Variants in SREBF2 observed in about 807,000 individuals in gnomAD.
SREBF2 encodes the protein sterol regulatory element binding transcription factor 2.
SREBF2 carries 55 observed loss-of-function variants against 113.1 expected under a neutral mutation model. That is an observed-to-expected ratio of 0.49 (90% CI 0.39 to 0.61). The LOEUF (loss-of-function observed/expected upper bound fraction) is 0.61, where lower values mean the gene tolerates loss of function less well. Among genes scored for constraint, SREBF2 ranks in the 20% least tolerant of loss-of-function variants. The pLI, the probability that SREBF2 is intolerant of heterozygous loss-of-function variation, is 0.00. For missense variants in SREBF2, 1,349 were observed against 1,487.4 expected, an observed-to-expected ratio of 0.91 and a Z score of 1.53; for synonymous variants, 593 against 605.7, an observed-to-expected ratio of 0.98 and a Z score of 0.31.
intron 4 of SREBF2, 131 bp from the exon 5 acceptor site, chr22:41,873,667 G>T: frequency 2.2e-6 from 2 of 902,206 alleles, no homozygotes; most frequent in Non-Finnish European, 3.6e-6. Context: ...ATTAACCCAG[G>T]AAGAGTCTCA....
At chr22:41,879,409 G>A (rs1011361437) in intron 9 of SREBF2, among the ~76,000 whole-genome samples, 6 of 152,214 alleles carry the variant, frequency 3.9e-5, no homozygotes, top group African/African-American at 1.4e-4. Context: ...TGGGGACTGA[G>A]CAGGGGCGGG....
intron 7 of SREBF2, among the ~76,000 whole-genome samples, chr22:41,876,379 TTTTACTAA>T (rs1306218286): frequency 6.6e-6 from 1 of 152,236 alleles, no homozygotes; most frequent in Non-Finnish European, 1.5e-5. Context: ...ATATACTTAA[TTTTACTAA>T]GGAAGCTCCA....
chr22:41,879,799 C>T (rs373142501), intron 9 of SREBF2, among the ~76,000 whole-genome samples: 6 of 152,162 alleles, frequency 3.9e-5, no homozygotes, highest in Admixed American at 1.3e-4. Flanking sequence ...AGAGAGAAAG[C>T]GAGCGGTCTC....
In SREBF2 at chr22:41,892,997, G is replaced by A. The variant is rs1049790213; in HGVS notation, c.2209-120G>A. The A allele has an allele frequency of 6.2e-5, 77 of 1,237,154 alleles. No individual in the cohort carries two copies. In the Admixed American group the frequency reaches 1.3e-3, roughly 20 times the overall value. 76.6% of individuals were successfully genotyped at this position (1,237,154 alleles called of 1,614,324 possible). Reference sequence around the variant, plus strand: ...GTACCTGTGGGAGTCCTATCCCTGTGCTGATCTTTCCCAGTCTCCCCCAAA... The same window carrying A: ...GTACCTGTGGGAGTCCTATCCCTGTACTGATCTTTCCCAGTCTCCCCCAAA... On this transcript the variant is annotated intron_variant, in intron 11 of 18. Transcript: ENST00000361204.
Position 41,877,291 on chromosome 22 carries a change from T to C in SREBF2, c.1449T>C (p.Leu483=). 1 of 1,614,216 alleles carries C rather than the reference T, an allele frequency of 6.2e-7. No individual in the cohort carries two copies. Among genetic ancestry groups the C allele is most frequent in the Non-Finnish European group, 8.5e-7 (1 of 1,180,040 alleles). ...GCATGGTAGACCGCTCACGGATTCTTCTGTGTGTCCTCACCTTCCTGTGCC... is the reference window on the plus strand; with the variant it reads ...GCATGGTAGACCGCTCACGGATTCTCCTGTGTGTCCTCACCTTCCTGTGCC... ...ALGMVDRSRI[L]LCVLTFLCLS... Residue 483 remains leucine (L), a synonymous_variant, in exon 8 of 19, where the codon CTT becomes CTC. Transcript: ENST00000361204.
rs1391044060 is a variant in SREBF2, at chr22:41,906,846, C to T, written c.*1186C>T. Reference sequence around the variant, plus strand: ...GCACTAGGAATGAGGTCCCCTGCCTCGATGCGGGTCCTAGGAGAAAAAGTC... The same window carrying T: ...GCACTAGGAATGAGGTCCCCTGCCTTGATGCGGGTCCTAGGAGAAAAAGTC... On this transcript the variant is annotated 3_prime_UTR_variant, in exon 19 of 19. Coordinates refer to ENST00000361204, the MANE Select transcript of SREBF2 (RefSeq NM_004599.4). 2 of 152,172 alleles carry T rather than the reference C, an allele frequency of 1.3e-5. No homozygotes were observed. Among genetic ancestry groups the T allele is most frequent in the East Asian group, 1.9e-4 (1 of 5,192 alleles). 9.4% of individuals were successfully genotyped at this position (152,172 alleles called of 1,614,324 possible).
At chr22:41,903,268 C>CT in intron 17 of SREBF2, 113 bp downstream of exon 17, 1 of 1,302,348 alleles carries the variant, frequency 7.7e-7, no homozygotes, top group East Asian at 2.5e-5. Context: ...TGAGGTCAGC[C>CT]TGGTGACCTG....
intron 1 of SREBF2, among the ~76,000 whole-genome samples, chr22:41,865,223 G>A (rs1420859898): frequency 6.6e-6 from 1 of 151,958 alleles, no homozygotes; most frequent in Non-Finnish European, 1.5e-5. Context: ...AATGGAGATG[G>A]TTCCTTTTAT....
intron 1 of SREBF2, among the ~76,000 whole-genome samples, chr22:41,849,977 A>C (rs2076912644): frequency 6.7e-6 from 1 of 149,742 alleles, no homozygotes; most frequent in African/African-American, 2.5e-5. Flanking sequence ...TCTCTGTTAA[A>C]AAAATACAAA....
chr22:41,862,127 A>T (rs1359732031), intron 1 of SREBF2, among the ~76,000 whole-genome samples: 6 of 152,078 alleles, frequency 3.9e-5, no homozygotes, highest in Admixed American at 1.3e-4. Context: ...TCTTGACCAG[A>T]ATTAATTTAA....
At chr22:41,887,888 C>T (rs1298376788) in intron 11 of SREBF2, among the ~76,000 whole-genome samples, 1 of 152,162 alleles carries the variant, frequency 6.6e-6, no homozygotes, top group African/African-American at 2.4e-5. Context: ...ATTTGTACTT[C>T]CCAGGTGATT....
At chr22:41,878,700 G>T (rs1167780977) in intron 9 of SREBF2, 1 of 1,304,160 alleles carries the variant, frequency 7.7e-7, no homozygotes, top group Admixed American at 2.3e-5. Flanking sequence ...ACAGCATTGA[G>T]GAAGAGTTAA....
At chr22:41,845,323 C>T (rs765707008) in intron 1 of SREBF2, among the ~76,000 whole-genome samples, 1 of 152,100 alleles carries the variant, frequency 6.6e-6, no homozygotes, top group Non-Finnish European at 1.5e-5. Context: ...ATGCTGATGA[C>T]GGGGAATGAA....
At chr22:41,860,853 C>T (rs1322522452) in intron 1 of SREBF2, among the ~76,000 whole-genome samples, 1 of 151,724 alleles carries the variant, frequency 6.6e-6, no homozygotes, top group Non-Finnish European at 1.5e-5. Flanking sequence ...GCCTTCCAGC[C>T]TGGGCAAGAG....
intron 11 of SREBF2, among the ~76,000 whole-genome samples, chr22:41,892,337 C>CT (rs577146153): frequency 1.3e-4 from 20 of 152,254 alleles, no homozygotes; most frequent in African/African-American, 3.6e-4. Context: ...CTAAAATAGT[C>CT]TAAAAGATAT....
Position 41,903,131 on chromosome 22 carries a change from C to G in SREBF2, c.3069C>G (p.His1023Gln). 3 of 1,556,420 alleles carry G rather than the reference C, an allele frequency of 1.9e-6. No homozygotes were observed. The highest frequency in any genetic ancestry group is 2.6e-6 in the Non-Finnish European group (3 of 1,150,224). ...RDLGSLRRLA[H>Q]SFRPAYRKVF... ...TGGGCAGCCTGCGCAGGCTGGCACA[C>G]AGCTTCCGCCCAGCATACCGCAAGG... Residue 1023 changes from histidine (H) to glutamine (Q), a missense_variant, in exon 17 of 19, where the codon CAC (histidine) becomes CAG (glutamine). Physicochemically the swap from His to Gln is conservative, Grantham distance 24 (BLOSUM62 0). Coordinates refer to ENST00000361204, the MANE Select transcript of SREBF2 (RefSeq NM_004599.4).
At chr22:41,872,276 T>A (rs904886720) in intron 4 of SREBF2, among the ~76,000 whole-genome samples, 1 of 149,150 alleles carries the variant, frequency 6.7e-6, no homozygotes, top group Non-Finnish European at 1.5e-5. Context: ...AAATAGTGTG[T>A]CAAGCCAAAG....
chr22:41,839,312 A>G (rs974245171), intron 1 of SREBF2, among the ~76,000 whole-genome samples: 1 of 152,168 alleles, frequency 6.6e-6, no homozygotes, highest in Non-Finnish European at 1.5e-5. Flanking sequence ...ACTTAGGAGA[A>G]GGTAAAACTG....
Position 41,897,040 on chromosome 22 carries a change from T to G in SREBF2, c.2496-12T>G. The G allele has an allele frequency of 4.4e-6, 7 of 1,598,478 alleles. No homozygotes were observed. Among genetic ancestry groups the G allele is most frequent in the Non-Finnish European group, 5.1e-6 (6 of 1,167,756 alleles). On this transcript the variant is annotated splice_polypyrimidine_tract_variant and intron_variant, in intron 13 of 18. Coordinates refer to ENST00000361204, the MANE Select transcript of SREBF2 (RefSeq NM_004599.4). Reference sequence around the variant, plus strand: ...GTTTTGATGTACATGGGACCCTTTCTTTTCTTCCTAGTGAATTCTCCAGTG... The same window carrying G: ...GTTTTGATGTACATGGGACCCTTTCGTTTCTTCCTAGTGAATTCTCCAGTG...
Sources: gnomAD v4.1 joint callset for allele counts (sites outside exome capture counted in the v4.1 genomes callset) on GRCh38, gnomAD v4.1.1 for gene constraint, MANE v1.5 for transcripts, NCBI Gene and HGNC (gene_info 2026-07-23, HGNC 2026-07-21) for gene names.